The following MCF2 variants were observed in gnomAD, a reference collection of about 807,000 sequenced individuals.
MCF2 encodes the protein MCF.2 cell line derived transforming sequence, also known as proto-oncogene DBL.
In MCF2, 44 loss-of-function variants were observed where a neutral mutation model predicts 82.5. The ratio of observed to expected loss-of-function variants is 0.53; its 90% confidence interval spans 0.42 to 0.69. The LOEUF (loss-of-function observed/expected upper bound fraction) is 0.69. MCF2 is among the 30% of genes least tolerant of loss of function. MCF2 has a pLI of 0.00. For synonymous variants in MCF2, 217 were observed against 224.9 expected (o/e 0.96, Z 0.32); for missense variants, 623 against 663.1 (o/e 0.94, Z 0.66).
rs760658561 is a variant in MCF2, at chrX:139,667,538, T to C, written c.-44-15750A>G. On this transcript the variant is annotated intron_variant, in intron 1 of 27. Coordinates refer to the MCF2 transcript ENST00000414978. ...GAGTTTAGGTCGTACATCCAGCCCC[T>C]AGGAGGAATGTTCAGGTGCCCAAAG... Among the ~76,000 whole-genome samples the C allele has an allele frequency of 2.1e-4, 23 of 111,813 alleles. No homozygotes were observed. In the East Asian group the frequency reaches 6.0e-3, roughly 29 times the overall value.
intron 11 of MCF2, among the ~76,000 whole-genome samples, chrX:139,609,966 A>G (rs985463764): frequency 1.8e-5 from 2 of 112,983 alleles, no homozygotes; most frequent in African/African-American, 6.4e-5. Flanking sequence ...CTCATGAAAG[A>G]AAGTTTATTC....
intron 2 of MCF2, among the ~76,000 whole-genome samples, chrX:139,650,511 A>G (rs1228741493): frequency 1.7e-5 from 1 of 58,013 alleles, no homozygotes; most frequent in Non-Finnish European, 3.7e-5. Context: ...AGTTTCTTGT[A>G]CTCCTAAGAA....
chrX:139,601,089 TA>T (rs1471375270), intron 16 of MCF2, among the ~76,000 whole-genome samples: 1 of 110,313 alleles, frequency 9.1e-6, no homozygotes, highest in Non-Finnish European at 1.9e-5. Flanking sequence ...ATGGAAGAAC[TA>T]GAAAGTAGAG....
chrX:139,589,780 G>T, intron 20 of MCF2, 55 bp downstream of exon 24: 1 of 839,588 alleles, frequency 1.2e-6, no homozygotes, highest in Non-Finnish European at 1.7e-6. Context: ...ATAAATTCGG[G>T]CTTTTGTATT....
chrX:139,616,316 T>C (rs1335008736), exon 9 of MCF2: 42 of 1,147,096 alleles, frequency 3.7e-5, no homozygotes, highest in Non-Finnish European at 4.1e-5. Flanking sequence ...ATCAAATTCA[T>C]ACTGCAGTGT....
intron 19 of MCF2, among the ~76,000 whole-genome samples, chrX:139,591,511 T>C (rs1357887466): frequency 2.7e-5 from 3 of 111,221 alleles, no homozygotes; most frequent in Non-Finnish European, 5.7e-5. Context: ...AATAAACACA[T>C]GAACTAAGGA....
chrX:139,608,251 A>T (rs1420105195), intron 11 of MCF2, among the ~76,000 whole-genome samples: 1 of 109,582 alleles, frequency 9.1e-6, no homozygotes, highest in Non-Finnish European at 1.9e-5. Context: ...TCCTTTTCCT[A>T]ATGATTCGAT....
At chrX:139,609,742 C>T (rs1931356946) in intron 11 of MCF2, among the ~76,000 whole-genome samples, 1 of 111,006 alleles carries the variant, frequency 9.0e-6, no homozygotes, top group African/African-American at 3.3e-5. Context: ...GGAAGGGTGG[C>T]ATGAGCCCAG....
chrX:139,696,527 G>A (rs1054990795), intron 1 of MCF2, among the ~76,000 whole-genome samples: 6 of 111,164 alleles, frequency 5.4e-5, no homozygotes, highest in African/African-American at 9.8e-5. Flanking sequence ...GGGCTCAAGC[G>A]ATTCTCATGC....
chrX:139,700,171 C>G (rs1270322559), intron 1 of MCF2, among the ~76,000 whole-genome samples: 9 of 111,514 alleles, frequency 8.1e-5, no homozygotes, highest in Non-Finnish European at 1.5e-4. Flanking sequence ...AGAATAGGTG[C>G]TGGGAGATTC....
chrX:139,696,377 C>A (rs1239880795), intron 1 of MCF2, among the ~76,000 whole-genome samples: 1 of 100,987 alleles, frequency 9.9e-6, no homozygotes, highest in African/African-American at 4.0e-5. Flanking sequence ...CTCTCCTCTC[C>A]TCTCTTCTCA....
chrX:139,587,480 A>G (rs1004723307), intron 22 of MCF2, among the ~76,000 whole-genome samples: 1 of 111,876 alleles, frequency 8.9e-6, no homozygotes, highest in Admixed American at 9.5e-5. Context: ...CCAATGATAT[A>G]TTAAAAATAA....
intron 1 of MCF2, among the ~76,000 whole-genome samples, chrX:139,676,034 AC>A (rs1360667548): frequency 9.0e-6 from 1 of 111,712 alleles, no homozygotes; most frequent in African/African-American, 3.2e-5. Context: ...GCAATGGCGG[AC>A]CCCCTCCCCC....
chrX:139,658,670 T>G (rs920098283), intron 1 of MCF2, among the ~76,000 whole-genome samples: 15 of 89,910 alleles, frequency 1.7e-4, no homozygotes, highest in African/African-American at 6.8e-4. Flanking sequence ...AAGATGTGTT[T>G]TTTTTTTTTT....
At chrX:139,594,768 C>T (rs1929895449) in intron 19 of MCF2, among the ~76,000 whole-genome samples, 1 of 109,635 alleles carries the variant, frequency 9.1e-6, no homozygotes, top group South Asian at 3.9e-4. Flanking sequence ...GCAAAAGAAA[C>T]TACCATCAGA....
upstream of MCF2, chrX:139,642,987 C>T: frequency 5.0e-6 from 1 of 201,384 alleles, no homozygotes; most frequent in Non-Finnish European, 7.9e-6. Flanking sequence ...GCTTTTTACT[C>T]TCGTCCTACC....
At chrX:139,626,415 T>C in intron 5 of MCF2, 108 bp from the exon 9 acceptor site, 1 of 584,927 alleles carries the variant, frequency 1.7e-6, no homozygotes, top group Non-Finnish European at 2.8e-6. Flanking sequence ...TCATAGCCCA[T>C]GACACTTGGT....
intron 4 of MCF2, among the ~76,000 whole-genome samples, chrX:139,629,126 C>T (rs1932838301): frequency 8.9e-6 from 1 of 111,990 alleles, no homozygotes; most frequent in Non-Finnish European, 1.9e-5. Context: ...GTGAACATCA[C>T]AGAGTGCATT....
chrX:139,584,738 T>G (rs2070786547), intron 24 of MCF2, among the ~76,000 whole-genome samples: 1 of 111,820 alleles, frequency 8.9e-6, no homozygotes, highest in African/African-American at 3.2e-5. Flanking sequence ...TTGAAGCCCC[T>G]TTGTTCTCTG....
Sources: allele counts gnomAD v4.1 joint callset (sites outside exome capture counted in the v4.1 genomes callset), GRCh38; gene constraint gnomAD v4.1.1; transcripts MANE v1.5; gene names NCBI Gene and HGNC (gene_info 2026-07-23, HGNC 2026-07-21).